PRR5L: variants seen among roughly 807,000 people sequenced by gnomAD.
PRR5L encodes the protein proline-rich protein 5-like.
Under a neutral mutation model 36.4 loss-of-function variants are expected in PRR5L, and 21 were observed. The ratio of observed to expected loss-of-function variants is 0.58; its 90% confidence interval spans 0.41 to 0.83. The LOEUF (loss-of-function observed/expected upper bound fraction) is 0.83, where lower values mean the gene tolerates loss of function less well. Ranked by LOEUF, PRR5L falls within the 40% of genes least tolerant of loss-of-function variation. The pLI is 0.00. For synonymous variants in PRR5L, 188 were observed against 197.0 expected, an observed-to-expected ratio of 0.95 and a Z score of 0.38; for missense variants, 381 against 473.3, an observed-to-expected ratio of 0.80 and a Z score of 1.81.
At chr11:36,326,130 C>T (rs1856659618) in intron 1 of PRR5L, among the ~76,000 whole-genome samples, 1 of 151,994 alleles carries the variant, frequency 6.6e-6, no homozygotes, top group Non-Finnish European at 1.5e-5. Context: ...GAATAGTGAA[C>T]CTCTGCATAC....
chr11:36,351,717 A>G (rs1424848208), intron 1 of PRR5L, among the ~76,000 whole-genome samples: 1 of 111,694 alleles, frequency 9.0e-6, no homozygotes, highest in Non-Finnish European at 1.7e-5. Flanking sequence ...TTATTTATAT[A>G]TTTATATATT....
At chr11:36,385,157 T>C (rs1356031116) in intron 1 of PRR5L, among the ~76,000 whole-genome samples, 4 of 152,234 alleles carry the variant, frequency 2.6e-5, no homozygotes, top group East Asian at 1.9e-4. Flanking sequence ...ATACGTTACA[T>C]GTCAGAAATG....
At chr11:36,297,673 T>A (rs17814690) in intron 1 of PRR5L, among the ~76,000 whole-genome samples, 49,431 of 152,120 alleles carry the variant, frequency 0.32, 8,755 homozygotes, top group Non-Finnish European at 0.4. Context: ...CAAAAGTTCT[T>A]AAGTCGCTTT....
intron 1 of PRR5L, among the ~76,000 whole-genome samples, chr11:36,340,826 T>C (rs938775415): frequency 5.3e-5 from 8 of 152,164 alleles, no homozygotes; most frequent in Non-Finnish European, 8.8e-5. Flanking sequence ...TTTTCTTTAT[T>C]GCTCTAAACA....
At position 36,431,466 on chromosome 11, in the gene PRR5L, A is replaced by ATTT. The variant is rs1564947112; in HGVS notation, c.295-387_295-386insTTT. ...AGCCCTAAATTTATCTTTTTTTTTA[A>ATTT]AAAAAAATATGTTATTTCTGCATAG... On this transcript the variant is annotated intron_variant, in intron 4 of 8. Coordinates refer to ENST00000530639, the MANE Select transcript of PRR5L (RefSeq NM_001160167.2). Among the ~76,000 whole-genome samples the ATTT allele has an allele frequency of 4.9e-5, 6 of 121,386 alleles. No homozygotes were observed. The East Asian group carries it at 1.2e-3, about 24-fold the overall frequency. The allele number at this position is 121,386 out of a possible 152,430, so 79.6% of individuals were successfully genotyped here.
intron 1 of PRR5L, among the ~76,000 whole-genome samples, chr11:36,356,572 G>C (rs1049545658): frequency 6.6e-6 from 1 of 152,114 alleles, no homozygotes; most frequent in Non-Finnish European, 1.5e-5. Flanking sequence ...TTCCAACAGC[G>C]TGTGCTCACT....
At chr11:36,440,817 C>T (rs1004752561) in intron 6 of PRR5L, among the ~76,000 whole-genome samples, 3 of 152,188 alleles carry the variant, frequency 2.0e-5, no homozygotes, top group South Asian at 2.1e-4. Context: ...CAGAAGGCAA[C>T]AGGGGAGCCA....
chr11:36,422,752 C>T (rs990234688), intron 4 of PRR5L, among the ~76,000 whole-genome samples: 1 of 152,104 alleles, frequency 6.6e-6, no homozygotes, highest in Admixed American at 6.6e-5. Flanking sequence ...TCTGCAGAAG[C>T]CCAGCTACAC....
chr11:36,394,269 C>G (rs1857614790), intron 1 of PRR5L: 1 of 152,306 alleles, frequency 6.6e-6, no homozygotes, highest in Non-Finnish European at 1.5e-5. Context: ...GGTGCCTTTT[C>G]TCTCAGCCTC....
chr11:36,407,484 C>T (rs777597210), intron 3 of PRR5L, among the ~76,000 whole-genome samples: 15 of 152,134 alleles, frequency 9.9e-5, no homozygotes, highest in Non-Finnish European at 1.5e-4. Flanking sequence ...AAGAGTGGTG[C>T]CTGGAGTTGA....
intron 1 of PRR5L, among the ~76,000 whole-genome samples, chr11:36,360,628 A>G (rs1160362341): frequency 6.6e-6 from 1 of 152,216 alleles, no homozygotes; most frequent in Non-Finnish European, 1.5e-5. Flanking sequence ...TGCATGCATA[A>G]ATGCATGTGT....
At chr11:36,387,526 G>A (rs190812220) in intron 1 of PRR5L, among the ~76,000 whole-genome samples, 39 of 152,300 alleles carry the variant, frequency 2.6e-4, no homozygotes, top group South Asian at 1.0e-3. Context: ...CTGAGGGATG[G>A]TTCTGAGTTT....
intron 1 of PRR5L, among the ~76,000 whole-genome samples, chr11:36,351,219 T>C (rs1223940814): frequency 4.7e-5 from 4 of 85,172 alleles, no homozygotes; most frequent in African/African-American, 2.1e-4. Flanking sequence ...AATATATAAA[T>C]ATATATATTT....
At chr11:36,356,549 A>G (rs543568596) in intron 1 of PRR5L, among the ~76,000 whole-genome samples, 11 of 152,178 alleles carry the variant, frequency 7.2e-5, no homozygotes, top group East Asian at 3.9e-4. Context: ...GGCCAAGTCA[A>G]TTGGCCCCAT....
intron 7 of PRR5L, among the ~76,000 whole-genome samples, chr11:36,449,260 T>C (rs908283255): frequency 2.6e-5 from 4 of 152,188 alleles, no homozygotes; most frequent in African/African-American, 9.7e-5. Flanking sequence ...TACAGGAAAT[T>C]TGGGCCTCCG....
chr11:36,388,673 TTCATTCAAGGTCGGC>T (rs1857499767), intron 1 of PRR5L, among the ~76,000 whole-genome samples: 1 of 151,826 alleles, frequency 6.6e-6, no homozygotes, highest in African/African-American at 2.4e-5. Flanking sequence ...TAGCCTTTCT[TTCATTCAAGGTCGGC>T]TCTTTCTTTC....
intron 1 of PRR5L, among the ~76,000 whole-genome samples, chr11:36,347,045 T>G (rs1856874766): frequency 6.6e-6 from 1 of 152,242 alleles, no homozygotes; most frequent in Admixed American, 6.5e-5. Context: ...CTTTGCATAG[T>G]GTATAATATC....
intron 1 of PRR5L, among the ~76,000 whole-genome samples, chr11:36,316,450 C>A (rs1356301206): frequency 6.6e-6 from 1 of 152,108 alleles, no homozygotes; most frequent in East Asian, 1.9e-4. Context: ...TCTCCCAGAG[C>A]ATTTGGGGAT....
At chr11:36,417,234 C>T (rs1348240344) in intron 3 of PRR5L, among the ~76,000 whole-genome samples, 3 of 152,202 alleles carry the variant, frequency 2.0e-5, no homozygotes, top group East Asian at 1.9e-4. Flanking sequence ...TCCACTTGTG[C>T]GCAAAGCTTG....
Sources: allele counts gnomAD v4.1 joint callset (sites outside exome capture counted in the v4.1 genomes callset), GRCh38; gene constraint gnomAD v4.1.1; transcripts MANE v1.5; gene names NCBI Gene and HGNC (gene_info 2026-07-23, HGNC 2026-07-21).